FNDC3B: variants seen among roughly 807,000 people sequenced by gnomAD.
FNDC3B encodes fibronectin type III domain-containing protein 3B.
In FNDC3B, 12 loss-of-function variants were observed where a neutral mutation model predicts 151.5. That is an observed-to-expected ratio of 0.08 (90% CI 0.05 to 0.13). The LOEUF (loss-of-function observed/expected upper bound fraction) is 0.13. Among genes scored for constraint, FNDC3B ranks in the 10% least tolerant of loss-of-function variants. The pLI, the probability that FNDC3B is intolerant of heterozygous loss-of-function variation, is 1.00. For synonymous variants in FNDC3B, 528 were observed against 549.0 expected (o/e 0.96, Z 0.54); for missense variants, 1,214 against 1,505.3 (o/e 0.81, Z 3.20).
At chr3:172,208,696 G>A (rs557806089) in intron 3 of FNDC3B, among the ~76,000 whole-genome samples, 1 of 137,428 alleles carries the variant, frequency 7.3e-6, no homozygotes, top group African/African-American at 2.8e-5. Context: ...AGTTTTGCTC[G>A]TGCCTTCTGG....
chr3:172,169,684 C>T (rs1723192423), intron 3 of FNDC3B, among the ~76,000 whole-genome samples: 1 of 152,198 alleles, frequency 6.6e-6, no homozygotes, highest in African/African-American at 2.4e-5. Flanking sequence ...GAGCTGGTCT[C>T]ATTGGGAAGC....
intron 3 of FNDC3B, among the ~76,000 whole-genome samples, chr3:172,166,985 G>A (rs774930656): frequency 2.0e-4 from 30 of 152,150 alleles, no homozygotes; most frequent in East Asian, 9.6e-4. Context: ...TCTTTATGCC[G>A]TTTACATTGT....
chr3:172,218,729 C>T (rs535004036), intron 3 of FNDC3B, among the ~76,000 whole-genome samples: 5 of 152,262 alleles, frequency 3.3e-5, no homozygotes, highest in African/African-American at 1.2e-4. Flanking sequence ...TAATTTGCCC[C>T]AAGGTCATGC....
intron 4 of FNDC3B, among the ~76,000 whole-genome samples, chr3:172,229,282 G>A (rs1726765712): frequency 1.3e-5 from 2 of 152,066 alleles, no homozygotes; most frequent in South Asian, 2.1e-4. Context: ...GGTTGCCTTC[G>A]CATGTAGTTA....
At chr3:172,151,149 T>C (rs1380343956) in intron 3 of FNDC3B, among the ~76,000 whole-genome samples, 3 of 152,200 alleles carry the variant, frequency 2.0e-5, no homozygotes, top group African/African-American at 4.8e-5. Context: ...GAAAGCCTTA[T>C]TTATTTTTTG....
chr3:172,140,775 C>G (rs1489107696), intron 3 of FNDC3B, among the ~76,000 whole-genome samples: 5 of 152,184 alleles, frequency 3.3e-5, no homozygotes, highest in African/African-American at 4.8e-5. Context: ...GTTTTAAGTC[C>G]CTCTCAAGGG....
chr3:172,343,887 G>A (rs896858532), intron 18 of FNDC3B, among the ~76,000 whole-genome samples, 199 bp from the exon 19 acceptor site: 5 of 152,116 alleles, frequency 3.3e-5, no homozygotes, highest in African/African-American at 9.7e-5. Context: ...CAGTGGACCC[G>A]CTTTGGAGAG....
chr3:172,216,326 C>A (rs1280992594), intron 3 of FNDC3B, among the ~76,000 whole-genome samples: 1 of 152,160 alleles, frequency 6.6e-6, no homozygotes, highest in African/African-American at 2.4e-5. Flanking sequence ...CCAAACCTGA[C>A]ATTAAAGATC....
intron 4 of FNDC3B, among the ~76,000 whole-genome samples, chr3:172,235,821 G>C (rs1727130378): frequency 6.6e-6 from 1 of 152,208 alleles, no homozygotes; most frequent in African/African-American, 2.4e-5. Context: ...CCAGTTGCCT[G>C]TTGGGTTAAG....
chr3:172,277,966 C>G (rs1729519329), intron 6 of FNDC3B, among the ~76,000 whole-genome samples: 1 of 152,190 alleles, frequency 6.6e-6, no homozygotes, highest in South Asian at 2.1e-4. Flanking sequence ...ATGACTTTTT[C>G]ATATGCTGGA....
chr3:172,044,427 CTGTCCTGGG>C (rs1716262443), intron 1 of FNDC3B, among the ~76,000 whole-genome samples: 1 of 151,920 alleles, frequency 6.6e-6, no homozygotes, highest in Non-Finnish European at 1.5e-5. Flanking sequence ...AGTTATGGTA[CTGTCCTGGG>C]ATAATTGCAG....
At chr3:172,134,581 G>T (rs1237476318) in intron 3 of FNDC3B, among the ~76,000 whole-genome samples, 1 of 149,072 alleles carries the variant, frequency 6.7e-6, no homozygotes, top group African/African-American at 2.5e-5. Context: ...TATAGAAACA[G>T]TTTTTTTTTT....
chr3:172,200,949 C>T (rs1174883603), intron 3 of FNDC3B, among the ~76,000 whole-genome samples: 4 of 152,100 alleles, frequency 2.6e-5, no homozygotes, highest in Non-Finnish European at 2.9e-5. Flanking sequence ...TAATTTTTAA[C>T]AAAAGAGCTA....
chr3:172,192,453 A>G lies in FNDC3B; in HGVS notation c.188-34418A>G, dbSNP rs529726834. 2.0e-3 allele frequency among the ~76,000 whole-genome samples: 310 copies of G among 151,868 alleles called. 1 individual carries two copies. Among genetic ancestry groups the G allele is most frequent in the African/African-American group, 3.7e-3 (155 of 41,438 alleles). On this transcript the variant is annotated intron_variant, in intron 3 of 25. Coordinates refer to ENST00000415807, the MANE Select transcript of FNDC3B (RefSeq NM_022763.4). ...GCCCGCCTCGGCCTCCCAAAGTGCTAGGATTACAGGTGTGAGCCACCGCGC... is the reference window on the plus strand; with the variant it reads ...GCCCGCCTCGGCCTCCCAAAGTGCTGGGATTACAGGTGTGAGCCACCGCGC...
intron 23 of FNDC3B, among the ~76,000 whole-genome samples, chr3:172,375,279 CCCTTCT>C (rs1735075509): frequency 6.6e-6 from 1 of 152,188 alleles, no homozygotes; most frequent in Non-Finnish European, 1.5e-5. Flanking sequence ...CATTGCTCAG[CCCTTCT>C]GACCTTGGGC....
At chr3:172,140,914 A>G (rs1273216316) in intron 3 of FNDC3B, among the ~76,000 whole-genome samples, 1 of 152,254 alleles carries the variant, frequency 6.6e-6, no homozygotes, top group Non-Finnish European at 1.5e-5. Context: ...CTGTCACCCA[A>G]TGTTGTGTCA....
chr3:172,376,654 GT>G (rs1735155297), intron 23 of FNDC3B, among the ~76,000 whole-genome samples: 1 of 152,162 alleles, frequency 6.6e-6, no homozygotes, highest in Admixed American at 6.5e-5. Context: ...CATGGTATTT[GT>G]GGGTTTCAGC....
At chr3:172,195,222 A>G (rs554821066) in intron 3 of FNDC3B, among the ~76,000 whole-genome samples, 161 of 151,236 alleles carry the variant, frequency 1.1e-3, no homozygotes, top group Non-Finnish European at 1.7e-3. Context: ...TTAGCATTCC[A>G]TTTTTGTTTG....
chr3:172,193,468 A>G (rs1724667634), intron 3 of FNDC3B, among the ~76,000 whole-genome samples: 1 of 150,426 alleles, frequency 6.6e-6, no homozygotes, highest in Non-Finnish European at 1.5e-5. Flanking sequence ...AATTTTTAGT[A>G]GACCAGTTAC....
Sources: gnomAD v4.1 joint callset for allele counts (sites outside exome capture counted in the v4.1 genomes callset) on GRCh38, gnomAD v4.1.1 for gene constraint, MANE v1.5 for transcripts, NCBI Gene and HGNC (gene_info 2026-07-23, HGNC 2026-07-21) for gene names.